Variants in TADA1 observed in about 807,000 individuals in gnomAD.
TADA1 encodes transcriptional adaptor 1.
Under a neutral mutation model 39.3 loss-of-function variants are expected in TADA1, and 23 were observed. That is an observed-to-expected ratio of 0.58 (90% CI 0.42 to 0.83). The LOEUF (loss-of-function observed/expected upper bound fraction) is 0.83, where lower values mean the gene tolerates loss of function less well. Ranked by LOEUF, TADA1 falls within the 40% of genes least tolerant of loss-of-function variation. TADA1 has a pLI of 0.00. For synonymous variants in TADA1, 137 were observed against 151.8 expected (o/e 0.90, Z 0.72); for missense variants, 352 against 408.1 (o/e 0.86, Z 1.18).
intron 1 of TADA1, among the ~76,000 whole-genome samples, chr1:166,873,511 T>G (rs187897959): frequency 6.6e-6 from 1 of 152,078 alleles, no homozygotes; most frequent in Admixed American, 6.5e-5. Context: ...CCCTGTATGT[T>G]TTGCCTACCA....
rs760969181 is a variant in TADA1 at position 166,857,614 on chromosome 1, C to T, written c.961G>A (p.Val321Ile). 2 of 1,614,190 alleles carry T rather than the reference C, an allele frequency of 1.2e-6. No individual in the cohort carries two copies. Among genetic ancestry groups the T allele is most frequent in the South Asian group, 2.2e-5 (2 of 91,084 alleles). ...PNHEELQQDK[V>I]HRQRLAAKEG... The stretch of plus-strand genomic sequence containing the variant: ...TTGGCTGCCAAGCGCTGGCGGTGAA[C>T]TTTGTCTTGCTGCAGCTCTTCATGA... The change falls in exon 8 of 8, where the codon GTT becomes ATT. Residue 321 changes from valine (V) to isoleucine (I), a missense_variant. By Grantham distance (29) the Val-to-Ile change is conservative. Coordinates refer to ENST00000367874, the MANE Select transcript of TADA1 (RefSeq NM_053053.4).
chr1:166,863,555 T>C (rs1658463297), intron 4 of TADA1, among the ~76,000 whole-genome samples: 1 of 152,158 alleles, frequency 6.6e-6, no homozygotes, highest in Admixed American at 6.5e-5. Context: ...AGAAAAATAC[T>C]TAACAGGAGA....
At chr1:166,859,081 G>A (rs1658348710) in intron 6 of TADA1, among the ~76,000 whole-genome samples, 1 of 152,176 alleles carries the variant, frequency 6.6e-6, no homozygotes, top group African/African-American at 2.4e-5. Context: ...GCCTGAATGG[G>A]ATTCAGACAA....
intron 4 of TADA1, 37 bp downstream of exon 4, chr1:166,863,787 A>G (rs767875881): frequency 1.3e-6 from 2 of 1,580,864 alleles, no homozygotes; most frequent in Middle Eastern, 3.3e-4. Flanking sequence ...CACTACTTCA[A>G]TCAGTCATTA....
chr1:166,860,851 T>G (rs767575764), intron 5 of TADA1, among the ~76,000 whole-genome samples: 26 of 152,168 alleles, frequency 1.7e-4, no homozygotes, highest in Admixed American at 6.5e-5. Context: ...TTATTTTTAG[T>G]AGAGGCAAGG....
chr1:166,870,190 C>G (rs775473156), intron 1 of TADA1, among the ~76,000 whole-genome samples: 2 of 152,196 alleles, frequency 1.3e-5, no homozygotes, highest in Non-Finnish European at 2.9e-5. Context: ...CCTAGTACTT[C>G]AGAATATGAC....
chr1:166,860,043 T>A (rs546285495), intron 6 of TADA1, 143 bp downstream of exon 6: 2 of 794,110 alleles, frequency 2.5e-6, no homozygotes, highest in Non-Finnish European at 1.9e-6. Context: ...CAGGCAAGTA[T>A]AGGACTTTAA....
At chr1:166,860,121 G>A (rs1415538462) in intron 6 of TADA1, 65 bp downstream of exon 6, 2 of 1,456,070 alleles carry the variant, frequency 1.4e-6, no homozygotes, top group Non-Finnish European at 1.9e-6. Flanking sequence ...TTTAACAATG[G>A]TCTATAAGAG....
intron 1 of TADA1, among the ~76,000 whole-genome samples, chr1:166,872,395 G>T (rs774346902): frequency 6.6e-5 from 10 of 152,148 alleles, no homozygotes; most frequent in Non-Finnish European, 1.0e-4. Flanking sequence ...CTGCAGGCCG[G>T]GCGCGGTGGC....
intron 1 of TADA1, among the ~76,000 whole-genome samples, chr1:166,875,258 G>A (rs1191237300): frequency 6.6e-6 from 1 of 152,072 alleles, no homozygotes; most frequent in Non-Finnish European, 1.5e-5. Context: ...ACTCTTCCTT[G>A]TATCCCAGAG....
chr1:166,876,125 T>C (rs756675978), intron 1 of TADA1, 35 bp downstream of exon 1: 1 of 1,585,146 alleles, frequency 6.3e-7, no homozygotes, highest in Non-Finnish European at 8.6e-7. Context: ...AGCACCCGCG[T>C]GTTGGCCTGG....
At chr1:166,874,905 T>TTA (rs1658731867) in intron 1 of TADA1, among the ~76,000 whole-genome samples, 1 of 152,372 alleles carries the variant, frequency 6.6e-6, no homozygotes, top group East Asian at 1.9e-4. Flanking sequence ...TATTATCTTG[T>TTA]TAGGATGAAA....
chr1:166,862,493 G>T, intron 4 of TADA1, 81 bp from the exon 5 acceptor site: 3 of 1,168,676 alleles, frequency 2.6e-6, no homozygotes, highest in Non-Finnish European at 1.3e-6. Flanking sequence ...CTGAAGTTGA[G>T]ATCCTCCAAA....
chr1:166,860,373 CT>C, intron 5 of TADA1, 36 bp from the exon 6 acceptor site: 5 of 1,564,366 alleles, frequency 3.2e-6, no homozygotes, highest in Non-Finnish European at 4.3e-6. Context: ...GCATGATATC[CT>C]CTTTAAAAGC....
intron 1 of TADA1, among the ~76,000 whole-genome samples, chr1:166,875,209 A>C (rs1299810869): frequency 1.3e-5 from 2 of 152,220 alleles, no homozygotes; most frequent in Admixed American, 6.5e-5. Flanking sequence ...ATATTTTTGA[A>C]AAATAAAGTT....
chr1:166,859,655 G>A (rs1365769050), intron 6 of TADA1, among the ~76,000 whole-genome samples: 1 of 152,066 alleles, frequency 6.6e-6, no homozygotes, highest in African/African-American at 2.4e-5. Flanking sequence ...CCAGAGGTGA[G>A]CTGAGAGACC....
At chr1:166,865,359 A>G (rs1343829711) in intron 3 of TADA1, among the ~76,000 whole-genome samples, 1 of 152,174 alleles carries the variant, frequency 6.6e-6, no homozygotes, top group Non-Finnish European at 1.5e-5. Context: ...CCAGAAGAAC[A>G]AAAAACAAAA....
At chr1:166,862,714 G>T in intron 4 of TADA1, 1 of 395,328 alleles carries the variant, frequency 2.5e-6, no homozygotes, top group Non-Finnish European at 4.6e-6. Flanking sequence ...TGAAAGAGAA[G>T]GAGAAGTATT....
In TADA1 at chr1:166,857,411, T is replaced by G; in HGVS notation, c.*156A>C. On this transcript the variant is annotated 3_prime_UTR_variant, in exon 8 of 8. Coordinates refer to ENST00000367874, the MANE Select transcript of TADA1 (RefSeq NM_053053.4). ...ATTACCAAAGATTTATATTAATGGC[T>G]TCACAACAGCAACACAAAATGTACT... 1.2e-6 allele frequency: 1 copy of G among 841,654 alleles called. No homozygotes were observed. The highest frequency in any genetic ancestry group is 1.8e-6 in the Non-Finnish European group (1 of 549,254). The allele number at this position is 841,654 out of a possible 1,614,324, so 52.1% of individuals were successfully genotyped here. A position where few individuals can be genotyped will look rare whatever the true frequency, so the allele number is the denominator to read the frequency against.
Sources: allele counts gnomAD v4.1 joint callset (sites outside exome capture counted in the v4.1 genomes callset), GRCh38; gene constraint gnomAD v4.1.1; transcripts MANE v1.5; gene names NCBI Gene and HGNC (gene_info 2026-07-23, HGNC 2026-07-21).